Variants in KCNQ5 observed in about 807,000 individuals in gnomAD.
KCNQ5 encodes the protein potassium voltage-gated channel subfamily Q member 5.
In KCNQ5, 30 loss-of-function variants were observed where a neutral mutation model predicts 98.2. That is an observed-to-expected ratio of 0.31 (90% confidence interval 0.23 to 0.41). The LOEUF (loss-of-function observed/expected upper bound fraction) is 0.41. KCNQ5 is among the 10% of genes least tolerant of loss of function. The pLI, the probability that KCNQ5 is intolerant of heterozygous loss-of-function variation, is 1.00. For missense variants in KCNQ5, 835 were observed against 1,182.5 expected, an observed-to-expected ratio of 0.71 and a Z score of 4.31; for synonymous variants, 458 against 449.4, an observed-to-expected ratio of 1.02 and a Z score of -0.24.
intron 1 of KCNQ5, among the ~76,000 whole-genome samples, chr6:72,898,552 C>T (rs1428090698): frequency 6.6e-6 from 1 of 152,168 alleles, no homozygotes; most frequent in Non-Finnish European, 1.5e-5. Flanking sequence ...ATGTGTACCA[C>T]ATTTTTTTGT....
chr6:73,026,724 A>G (rs1434415476), intron 2 of KCNQ5, among the ~76,000 whole-genome samples: 3 of 152,144 alleles, frequency 2.0e-5, no homozygotes, highest in Non-Finnish European at 4.4e-5. Flanking sequence ...GAGTGGGCTT[A>G]TTTTATTTAA....
chr6:73,161,497 A>G (rs924375100), intron 10 of KCNQ5, among the ~76,000 whole-genome samples: 13 of 152,226 alleles, frequency 8.5e-5, no homozygotes, highest in African/African-American at 3.1e-4. Flanking sequence ...TAAAGAAAAG[A>G]CAGATATTTA....
intron 11 of KCNQ5, among the ~76,000 whole-genome samples, chr6:73,179,645 C>G (rs1355669892): frequency 6.6e-6 from 1 of 152,154 alleles, no homozygotes; most frequent in Non-Finnish European, 1.5e-5. Flanking sequence ...CCCACATCCA[C>G]CCCACAAACA....
intron 10 of KCNQ5, among the ~76,000 whole-genome samples, chr6:73,155,880 C>T (rs6929794): frequency 2.0e-4 from 30 of 152,232 alleles, no homozygotes; most frequent in African/African-American, 7.0e-4. Flanking sequence ...GTAAAAAATA[C>T]ATTATCCAGA....
intron 13 of KCNQ5, 132 bp from the exon 14 acceptor site, chr6:73,194,320 T>A: frequency 1.3e-6 from 1 of 769,652 alleles, no homozygotes; most frequent in Non-Finnish European, 2.0e-6. Context: ...GGGTCAAGAC[T>A]GCATCGTACT....
At chr6:72,900,227 A>G (rs1473821532) in intron 1 of KCNQ5, among the ~76,000 whole-genome samples, 1 of 151,856 alleles carries the variant, frequency 6.6e-6, no homozygotes, top group Non-Finnish European at 1.5e-5. Flanking sequence ...TTCCTGAGTT[A>G]CTTCACTTAG....
chr6:72,967,001 G>T (rs753041487), intron 1 of KCNQ5, among the ~76,000 whole-genome samples: 2 of 152,140 alleles, frequency 1.3e-5, no homozygotes, highest in Non-Finnish European at 2.9e-5. Flanking sequence ...TAGAAGGACA[G>T]GAATATACTC....
chr6:72,932,741 G>A (rs540930440), intron 1 of KCNQ5, among the ~76,000 whole-genome samples: 34 of 152,028 alleles, frequency 2.2e-4, no homozygotes, highest in Non-Finnish European at 3.7e-4. Context: ...CTCATATACG[G>A]TAGCTTAAAA....
chr6:73,061,544 G>GGCACA (rs1302842056), intron 3 of KCNQ5, among the ~76,000 whole-genome samples: 9 of 152,088 alleles, frequency 5.9e-5, no homozygotes, highest in Non-Finnish European at 1.2e-4. Flanking sequence ...TTTTGTCATT[G>GGCACA]CAAAGAGGGA....
chr6:73,005,623 T>A (rs1407603160), intron 2 of KCNQ5, among the ~76,000 whole-genome samples: 1 of 150,448 alleles, frequency 6.6e-6, no homozygotes, highest in Non-Finnish European at 1.5e-5. Flanking sequence ...GTATCTTGAC[T>A]TTTAAAACCT....
intron 5 of KCNQ5, among the ~76,000 whole-genome samples, chr6:73,097,939 A>G (rs1032894763): frequency 6.6e-6 from 1 of 152,194 alleles, no homozygotes; most frequent in African/African-American, 2.4e-5. Flanking sequence ...TACAAAGACT[A>G]CAATAAATAC....
intron 1 of KCNQ5, among the ~76,000 whole-genome samples, chr6:72,657,253 T>C (rs1766243988): frequency 6.6e-6 from 1 of 152,076 alleles, no homozygotes. Flanking sequence ...GAAAATAAAA[T>C]TAAAATGATG....
chr6:72,778,528 G>A (rs1268725109), intron 1 of KCNQ5, among the ~76,000 whole-genome samples: 3 of 135,808 alleles, frequency 2.2e-5, no homozygotes, highest in Non-Finnish European at 4.8e-5. Context: ...GACACAGCAA[G>A]ACCCTGTCAC....
chr6:72,882,627 A>G (rs545174763), intron 1 of KCNQ5, among the ~76,000 whole-genome samples: 2 of 152,326 alleles, frequency 1.3e-5, no homozygotes, highest in South Asian at 4.1e-4. Flanking sequence ...TGGTCCTTTT[A>G]CTTTGCTTTT....
At chr6:72,919,360 A>G (rs1230129113) in intron 1 of KCNQ5, among the ~76,000 whole-genome samples, 1 of 152,258 alleles carries the variant, frequency 6.6e-6, no homozygotes, top group African/African-American at 2.4e-5. Context: ...TAGTTTAAGC[A>G]GTAGTAGTCA....
At position 73,098,296 on chromosome 6, in the gene KCNQ5, G is replaced by C. The variant is rs58934581; in HGVS notation, c.919-6961G>C. On this transcript the variant is annotated intron_variant, in intron 5 of 13. Coordinates refer to ENST00000370398, the MANE Select transcript of KCNQ5 (RefSeq NM_019842.4). The stretch of plus-strand genomic sequence containing the variant: ...AAAATATCTATAAAATAGCTTCAAA[G>C]GGGCAAATCTAAGTTATTGGCCTTA... Among the ~76,000 whole-genome samples, 719 of 152,124 alleles carry C rather than the reference G, an allele frequency of 4.7e-3. 9 individuals carry two copies. The highest frequency in any genetic ancestry group is 0.016 in the African/African-American group (676 of 41,502).
chr6:73,099,454 T>G (rs1310423567), intron 5 of KCNQ5, among the ~76,000 whole-genome samples: 1 of 151,860 alleles, frequency 6.6e-6, no homozygotes, highest in Non-Finnish European at 1.5e-5. Flanking sequence ...CTATAAAGAC[T>G]CACATAGATT....
At chr6:72,809,098 T>C (rs1775102353) in intron 1 of KCNQ5, among the ~76,000 whole-genome samples, 2 of 151,516 alleles carry the variant, frequency 1.3e-5, no homozygotes. Context: ...TGTAGGGACA[T>C]GGATGAAACT....
chr6:72,648,554 A>G (rs143855426), intron 1 of KCNQ5, among the ~76,000 whole-genome samples: 103 of 152,180 alleles, frequency 6.8e-4, no homozygotes, highest in Middle Eastern at 3.4e-3. Flanking sequence ...CAATACTTTT[A>G]TATTACTTAG....
Sources: gnomAD v4.1 joint callset for allele counts (sites outside exome capture counted in the v4.1 genomes callset) on GRCh38, gnomAD v4.1.1 for gene constraint, MANE v1.5 for transcripts, NCBI Gene and HGNC (gene_info 2026-07-23, HGNC 2026-07-21) for gene names.